The following WWP2 variants were observed in gnomAD, a reference collection of about 807,000 sequenced individuals.
WWP2 encodes NEDD4-like E3 ubiquitin-protein ligase WWP2.
Under a neutral mutation model 121.0 loss-of-function variants are expected in WWP2, and 57 were observed. The observed-to-expected ratio is 0.47, with a 90% CI of 0.38 to 0.59. The LOEUF (loss-of-function observed/expected upper bound fraction) is 0.59, where lower values mean the gene tolerates loss of function less well. Ranked by LOEUF, WWP2 falls within the 20% of genes least tolerant of loss-of-function variation. The pLI is 0.00. For missense variants in WWP2, 962 were observed against 1,158.9 expected, an observed-to-expected ratio of 0.83 and a Z score of 2.47; for synonymous variants, 449 against 441.3, an observed-to-expected ratio of 1.02 and a Z score of -0.22.
intron 1 of WWP2, among the ~76,000 whole-genome samples, chr16:69,780,693 G>C (rs1415691125): frequency 6.6e-6 from 1 of 152,156 alleles, no homozygotes. Context: ...GACAAATTTA[G>C]TCTAAGTGAG....
intron 6 of WWP2, among the ~76,000 whole-genome samples, chr16:69,867,790 A>G (rs74029722): frequency 0.016 from 2,409 of 152,312 alleles, 48 homozygotes; most frequent in African/African-American, 0.048. Flanking sequence ...TGGCACTGCC[A>G]TTCTAACTGC....
chr16:69,909,064 G>T (rs1026484213), intron 9 of WWP2: 10 of 1,334,884 alleles, frequency 7.5e-6, no homozygotes, highest in Middle Eastern at 2.9e-4. Context: ...AACAAAAGGC[G>T]CATGGGAGGC....
At chr16:69,880,200 T>C (rs1166126138) in intron 7 of WWP2, among the ~76,000 whole-genome samples, 1 of 151,500 alleles carries the variant, frequency 6.6e-6, no homozygotes, top group Non-Finnish European at 1.5e-5. Context: ...GAGGACTGGG[T>C]CTAAATTATT....
Position 69,913,024 on chromosome 16 carries a change from T to A in WWP2, c.1004+4174T>A, listed in dbSNP as rs1418806056. ...TTTTTTTTTTTTTTTTTTTTTTTTTTTTTTTTTTTTTTTTTTGAGACAGAA... is the reference window on the plus strand; with the variant it reads ...TTTTTTTTTTTTTTTTTTTTTTTTTATTTTTTTTTTTTTTTTGAGACAGAA... On this transcript the variant is annotated intron_variant, in intron 9 of 23. Coordinates refer to ENST00000359154, the MANE Select transcript of WWP2 (RefSeq NM_001270454.2). 2.1e-3 allele frequency among the ~76,000 whole-genome samples: 24 copies of A among 11,656 alleles called. 1 individual carries two copies. Among genetic ancestry groups the A allele is most frequent in the African/African-American group, 5.7e-3 (22 of 3,840 alleles). The allele number at this position is 11,656 out of a possible 152,430, so 7.6% of individuals were successfully genotyped here.
intron 10 of WWP2, among the ~76,000 whole-genome samples, chr16:69,921,753 T>G (rs2058565561): frequency 6.6e-6 from 1 of 152,334 alleles, no homozygotes; most frequent in South Asian, 2.1e-4. Context: ...CGACAATTTC[T>G]GGGGCATCTC....
At chr16:69,784,265 A>C (rs2055734657) in intron 1 of WWP2, among the ~76,000 whole-genome samples, 1 of 151,354 alleles carries the variant, frequency 6.6e-6, no homozygotes, top group Admixed American at 6.6e-5. Context: ...ATGCCCGGTT[A>C]ATTTTTGTAT....
chr16:69,905,961 A>G (rs2058284825), intron 8 of WWP2, among the ~76,000 whole-genome samples: 1 of 152,168 alleles, frequency 6.6e-6, no homozygotes. Flanking sequence ...GATTGCATAC[A>G]TGGTGTTAGC....
At chr16:69,857,783 T>A (rs1237215002) in intron 6 of WWP2, among the ~76,000 whole-genome samples, 1 of 149,760 alleles carries the variant, frequency 6.7e-6, no homozygotes, top group Non-Finnish European at 1.5e-5. Context: ...CACCTCAGTC[T>A]CCCAGGTAGC....
chr16:69,845,782 G>A (rs2057062896), intron 6 of WWP2, among the ~76,000 whole-genome samples: 1 of 151,982 alleles, frequency 6.6e-6, no homozygotes, highest in African/African-American at 2.4e-5. Context: ...GGGCGTGGTG[G>A]CTCATGCCTG....
intron 4 of WWP2, among the ~76,000 whole-genome samples, chr16:69,802,896 C>T (rs2056200483): frequency 6.6e-6 from 1 of 152,114 alleles, no homozygotes; most frequent in Non-Finnish European, 1.5e-5. Context: ...TAAACCACCG[C>T]ATCTGGCCCA....
At chr16:69,939,727 T>C in intron 23 of WWP2, 114 bp from the exon 24 acceptor site, 1 of 970,508 alleles carries the variant, frequency 1.0e-6, no homozygotes, top group Non-Finnish European at 1.5e-6. Context: ...TGGCAGCCCC[T>C]GAGCCCTAGC....
chr16:69,845,005 G>T (rs1421979546), intron 6 of WWP2, among the ~76,000 whole-genome samples: 1 of 152,188 alleles, frequency 6.6e-6, no homozygotes, highest in Non-Finnish European at 1.5e-5. Context: ...ATGACTGTAG[G>T]CGGTGGCCAA....
intron 4 of WWP2, chr16:69,827,808 C>G: frequency 2.2e-6 from 1 of 445,092 alleles, no homozygotes; most frequent in South Asian, 1.6e-5. Flanking sequence ...AGATGAGGAG[C>G]ACTAATGACA....
intron 2 of WWP2, among the ~76,000 whole-genome samples, chr16:69,791,825 C>T (rs56282083): frequency 0.26 from 40,206 of 151,886 alleles, 5,835 homozygotes; most frequent in East Asian, 0.41. Context: ...TGGCCCCCAC[C>T]TCGGCCTCTT....
intron 1 of WWP2, among the ~76,000 whole-genome samples, chr16:69,785,043 T>A (rs1043305802): frequency 8.6e-5 from 13 of 151,874 alleles, no homozygotes; most frequent in African/African-American, 3.1e-4. Flanking sequence ...CGAGACCAGC[T>A]TGGCCAACAT....
chr16:69,888,043 T>C lies in WWP2; in HGVS notation c.708T>C (p.Asn236=). The change falls in exon 8 of 24, where the codon AAT becomes AAC. Residue 236 remains asparagine (N), a synonymous_variant. Coordinates refer to ENST00000359154, the MANE Select transcript of WWP2 (RefSeq NM_001270454.2). ...GTATGATTTGTGCATCTTCAGTGAA[T>C]GATGAACCCACAACAGCCACTGATC... ...GHSGLANGTV[N]DEPTTATDPE... is the part of the protein sequence containing the mutation. 6.2e-7 allele frequency: 1 copy of C among 1,614,182 alleles called. No homozygotes were observed. The highest frequency in any genetic ancestry group is 8.5e-7 in the Non-Finnish European group (1 of 1,180,010).
intron 2 of WWP2, among the ~76,000 whole-genome samples, chr16:69,789,786 G>A (rs1388461343): frequency 6.6e-6 from 1 of 152,172 alleles, no homozygotes; most frequent in Non-Finnish European, 1.5e-5. Flanking sequence ...TGTTCTCAGT[G>A]TAGTTTTATT....
chr16:69,849,199 G>T (rs1275574657), intron 6 of WWP2, among the ~76,000 whole-genome samples: 3 of 152,204 alleles, frequency 2.0e-5, no homozygotes, highest in African/African-American at 7.2e-5. Context: ...AGGGCCGGGG[G>T]AGAATTGGGA....
intron 4 of WWP2, among the ~76,000 whole-genome samples, chr16:69,805,637 A>T (rs114385366): frequency 6.6e-6 from 1 of 150,940 alleles, no homozygotes; most frequent in Non-Finnish European, 1.5e-5. Flanking sequence ...TTGAGACAGG[A>T]TCTTGCTTTG....
Sources: allele counts gnomAD v4.1 joint callset (sites outside exome capture counted in the v4.1 genomes callset), GRCh38; gene constraint gnomAD v4.1.1; transcripts MANE v1.5; gene names NCBI Gene and HGNC (gene_info 2026-07-23, HGNC 2026-07-21).